WDR72: variants seen among roughly 807,000 people sequenced by gnomAD.
WDR72 encodes WD repeat domain 72, also known as WD repeat-containing protein 72.
WDR72 carries 120 observed loss-of-function variants against 124.2 expected under a neutral mutation model. The ratio of observed to expected loss-of-function variants is 0.97; its 90% CI spans 0.83 to 1.12. WDR72 has a LOEUF of 1.12. Ranked by LOEUF, WDR72 falls within the 50% of genes most tolerant of loss-of-function variation. The probability of loss-of-function intolerance (pLI) is 0.00; values close to 1 mark genes in which losing one functional copy is unlikely to be tolerated. For synonymous variants in WDR72, 452 were observed against 441.7 expected, an observed-to-expected ratio of 1.02 and a Z score of -0.29; for missense variants, 1,387 against 1,278.8, an observed-to-expected ratio of 1.08 and a Z score of -1.29.
chr15:53,758,115 A>T (rs2018962422), intron 1 of WDR72, among the ~76,000 whole-genome samples: 1 of 151,568 alleles, frequency 6.6e-6, no homozygotes, highest in Non-Finnish European at 1.5e-5. Context: ...AAGTCATCCA[A>T]CTCCCTCAGG....
At chr15:53,687,128 A>C (rs1231357682) in intron 13 of WDR72, among the ~76,000 whole-genome samples, 3 of 149,170 alleles carry the variant, frequency 2.0e-5, no homozygotes, top group African/African-American at 5.0e-5. Flanking sequence ...CAAAATTGAC[A>C]CCCTAACATC....
chr15:53,742,471 G>A (rs923375315), intron 1 of WDR72, among the ~76,000 whole-genome samples: 3 of 152,108 alleles, frequency 2.0e-5, no homozygotes, highest in Admixed American at 6.6e-5. Context: ...TATAATTATT[G>A]TATACCAAAT....
At chr15:53,609,689 G>T in intron 16 of WDR72, 97 bp from the exon 17 acceptor site, 1 of 1,027,688 alleles carries the variant, frequency 9.7e-7, no homozygotes, top group Non-Finnish European at 1.5e-6. Context: ...GGGAAGCTTT[G>T]TTTTTTATAA....
At chr15:53,567,806 A>AT (rs1307092054) in intron 18 of WDR72, among the ~76,000 whole-genome samples, 4 of 151,870 alleles carry the variant, frequency 2.6e-5, no homozygotes, top group African/African-American at 9.7e-5. Flanking sequence ...TGTGTACCAG[A>AT]TTTTTAAGTC....
intron 13 of WDR72, among the ~76,000 whole-genome samples, chr15:53,690,108 C>G (rs544837708): frequency 6.6e-6 from 1 of 150,384 alleles, no homozygotes; most frequent in South Asian, 2.1e-4. Context: ...GGAGATATAC[C>G]TAATGCTAGA....
At chr15:53,640,841 C>A (rs1171296903) in intron 14 of WDR72, among the ~76,000 whole-genome samples, 1 of 151,858 alleles carries the variant, frequency 6.6e-6, no homozygotes, top group Non-Finnish European at 1.5e-5. Flanking sequence ...TCTTCATTTA[C>A]TATTTACCTT....
intron 1 of WDR72, among the ~76,000 whole-genome samples, chr15:53,742,900 T>C (rs1050197101): frequency 6.6e-5 from 10 of 152,196 alleles, no homozygotes; most frequent in African/African-American, 2.4e-4. Context: ...CATTTTATCA[T>C]ATAATCAATA....
chr15:53,559,390 C>T (rs1342394146), intron 18 of WDR72, among the ~76,000 whole-genome samples: 1 of 151,900 alleles, frequency 6.6e-6, no homozygotes, highest in African/African-American at 2.4e-5. Flanking sequence ...GATCAGTCTC[C>T]CCAACAGACT....
intron 18 of WDR72, among the ~76,000 whole-genome samples, chr15:53,560,862 CA>C (rs869137808): frequency 4.0e-5 from 6 of 150,750 alleles, no homozygotes; most frequent in Non-Finnish European, 8.9e-5. Flanking sequence ...CCCGGCCCCC[CA>C]AAAAAAACAC....
Position 53,661,672 on chromosome 15 carries a change from C to CTAG in WDR72, c.1962+3897_1962+3899dup, listed in dbSNP as rs577660179. Among the ~76,000 whole-genome samples the CTAG allele has an allele frequency of 3.5e-4, 53 of 151,932 alleles. No homozygotes were observed. The East Asian group carries it at 0.01, about 29-fold the overall frequency. ...AACCACATCTGTAATTTTAAATTGC[C>CTAG]TAGTAGATACATTAAAAAAAGGAGA... On this transcript the variant is annotated intron_variant, in intron 14 of 19. Transcript: ENST00000360509.
chr15:53,676,928 T>TG (rs1297432113), intron 13 of WDR72, among the ~76,000 whole-genome samples: 1 of 150,970 alleles, frequency 6.6e-6, no homozygotes, highest in Admixed American at 6.6e-5. Flanking sequence ...TTCTTGCTTT[T>TG]TTTTTTTTTT....
intron 14 of WDR72, among the ~76,000 whole-genome samples, chr15:53,642,044 G>T (rs1377190146): frequency 6.6e-6 from 1 of 151,646 alleles, no homozygotes; most frequent in African/African-American, 2.4e-5. Flanking sequence ...GATTACTGTT[G>T]CTATTTTAAA....
intron 14 of WDR72, among the ~76,000 whole-genome samples, chr15:53,620,387 GATC>G (rs1171938412): frequency 6.6e-6 from 1 of 151,312 alleles, no homozygotes; most frequent in Admixed American, 6.6e-5. Flanking sequence ...AAAATATTTT[GATC>G]ATATTTATTT....
intron 17 of WDR72, among the ~76,000 whole-genome samples, chr15:53,607,565 T>G (rs1410769112): frequency 1.3e-5 from 2 of 152,088 alleles, no homozygotes; most frequent in African/African-American, 4.8e-5. Context: ...ATCAAACTAC[T>G]ACAAGAAAAC....
chr15:53,620,993 A>G (rs903928358), intron 14 of WDR72, among the ~76,000 whole-genome samples: 1 of 152,162 alleles, frequency 6.6e-6, no homozygotes, highest in Non-Finnish European at 1.5e-5. Context: ...GGATAAGAAC[A>G]TGAATAGAAA....
intron 1 of WDR72, among the ~76,000 whole-genome samples, chr15:53,747,760 CT>C (rs1443872717): frequency 3.3e-5 from 5 of 152,124 alleles, no homozygotes; most frequent in African/African-American, 1.2e-4. Flanking sequence ...GTGTCTAATT[CT>C]AGTCATTGTC....
intron 17 of WDR72, among the ~76,000 whole-genome samples, chr15:53,606,519 A>G (rs972101953): frequency 1.3e-5 from 2 of 152,208 alleles, no homozygotes; most frequent in East Asian, 3.9e-4. Flanking sequence ...GCAAGCTTAT[A>G]TAACAGCGAG....
chr15:53,684,079 T>C (rs757460170), intron 13 of WDR72: 13 of 152,160 alleles, frequency 8.5e-5, no homozygotes, highest in Non-Finnish European at 1.3e-4. Flanking sequence ...TGAAAATAAG[T>C]ATGAGCATAT....
chr15:53,724,792 T>C (rs1232386413), intron 2 of WDR72, among the ~76,000 whole-genome samples: 1 of 152,168 alleles, frequency 6.6e-6, no homozygotes, highest in Non-Finnish European at 1.5e-5. Flanking sequence ...ACTCTGTACA[T>C]CTTAAACCTA....
Sources: gnomAD v4.1 joint callset for allele counts (sites outside exome capture counted in the v4.1 genomes callset) on GRCh38, gnomAD v4.1.1 for gene constraint, MANE v1.5 for transcripts, NCBI Gene and HGNC (gene_info 2026-07-23, HGNC 2026-07-21) for gene names.